The following PISD variants were observed in gnomAD, a reference collection of about 807,000 sequenced individuals.
The protein encoded by PISD is phosphatidylserine decarboxylase proenzyme, mitochondrial.
Under a neutral mutation model 43.5 loss-of-function variants are expected in PISD, and 31 were observed. The ratio of observed to expected loss-of-function variants is 0.71; its 90% CI spans 0.54 to 0.96. The LOEUF (loss-of-function observed/expected upper bound fraction) is 0.96, where lower values mean the gene tolerates loss of function less well. PISD is among the 40% of genes least tolerant of loss of function. The pLI is 0.00. For synonymous variants in PISD, 259 were observed against 228.7 expected (o/e 1.13, Z -1.20); for missense variants, 523 against 548.4 (o/e 0.95, Z 0.46).
intron 3 of PISD, among the ~76,000 whole-genome samples, chr22:31,643,243 G>C (rs1262177661): frequency 6.6e-6 from 1 of 152,160 alleles, no homozygotes; most frequent in South Asian, 2.1e-4. Context: ...TTCTGTCATA[G>C]TGTTTGCTAT....
rs751854215 is a variant in PISD, at chr22:31,619,626, G to A, written c.1216C>T (p.Leu406=). The change falls in exon 8 of 8, where the codon CTG becomes TTG. Residue 406 remains leucine, a synonymous_variant. Transcript: ENST00000439502. The part of the protein sequence containing the change: ...TGQKIRFGEA[L]GSL Reference sequence around the variant, plus strand: ...GGAAAGAGACTCTAGAGCGAGCCCAGGGCTTCCCCAAAGCGGATTTTCTGT... The same window carrying A: ...GGAAAGAGACTCTAGAGCGAGCCCAAGGCTTCCCCAAAGCGGATTTTCTGT... The A allele has an allele frequency of 1.1e-5, 17 of 1,613,698 alleles. No homozygotes were observed. The East Asian group carries it at 3.8e-4, about 36-fold the overall frequency.
chr22:31,626,448 G>A (rs1451263717), intron 3 of PISD, among the ~76,000 whole-genome samples: 1 of 152,216 alleles, frequency 6.6e-6, no homozygotes, highest in East Asian at 1.9e-4. Context: ...TGAGATGAGC[G>A]GGAAGCCACG....
intron 6 of PISD, 40 bp from the exon 7 acceptor site, chr22:31,620,753 C>G (rs2072511954): frequency 6.2e-7 from 1 of 1,609,962 alleles, no homozygotes; most frequent in African/African-American, 1.3e-5. Flanking sequence ...CGTCCAGAGC[C>G]CGGTGTGTCC....
intron 3 of PISD, chr22:31,629,736 A>T (rs2073107985): frequency 6.6e-6 from 1 of 152,122 alleles, no homozygotes; most frequent in South Asian, 2.1e-4. Flanking sequence ...TTCAAGCCTT[A>T]GCAAGGCGGA....
intron 3 of PISD, among the ~76,000 whole-genome samples, chr22:31,633,406 G>A (rs77181208): frequency 0.048 from 7,261 of 152,272 alleles, 217 homozygotes; most frequent in African/African-American, 0.075. Context: ...AGCCTCTAAG[G>A]CAGATGGGTG....
chr22:31,629,259 G>A, intron 3 of PISD: 1 of 983,278 alleles, frequency 1.0e-6, no homozygotes, highest in Non-Finnish European at 1.2e-6. Flanking sequence ...GTAGGTGGAA[G>A]TGTGTGTGCA....
intron 3 of PISD, among the ~76,000 whole-genome samples, chr22:31,637,152 AAAAAAAAAAAAAATATATATATAT>A (rs1249901161): frequency 0.029 from 876 of 30,582 alleles, 42 homozygotes; most frequent in African/African-American, 0.09. Flanking sequence ...TTAAAAAAAA[AAAAAAAAAAAAAATATATATATAT>A]ATATATATAT....
chr22:31,635,494 G>C (rs1383217448), intron 3 of PISD, among the ~76,000 whole-genome samples: 1 of 152,194 alleles, frequency 6.6e-6, no homozygotes, highest in Admixed American at 6.5e-5. Flanking sequence ...GTAGAGATGG[G>C]GTTTCACCAT....
rs766679045 is a variant in PISD at position 31,662,203 on chromosome 22, C to T, written c.6G>A (p.Ala2=). Residue 2 remains alanine, a synonymous_variant, in exon 1 of 8, where the codon GCG becomes GCA. Coordinates refer to ENST00000439502, the MANE Select transcript of PISD (RefSeq NM_001326411.2). ...CCAGACATCGGTGCCCCACGGACGT[C>T]GCCATCTTGTCTGCTCCTTCTCAGC... is the stretch of plus-strand genomic sequence containing the variant. M[A]TSVGHRCLGL... is the part of the protein sequence containing the mutation. 1 of 1,604,060 alleles carries T rather than the reference C, an allele frequency of 6.2e-7. No individual in the cohort carries two copies. The highest frequency in any genetic ancestry group is 2.2e-5 in the East Asian group (1 of 44,884).
chr22:31,657,234 T>C (rs939712309), intron 1 of PISD, among the ~76,000 whole-genome samples: 1 of 151,920 alleles, frequency 6.6e-6, no homozygotes, highest in African/African-American at 2.4e-5. Context: ...CCTCCTGGGT[T>C]CAAGCAATTC....
At chr22:31,629,153 T>A in intron 3 of PISD, 2 of 985,238 alleles carry the variant, frequency 2.0e-6, no homozygotes, top group Non-Finnish European at 2.4e-6. Context: ...AATGGAACAT[T>A]CCAACTGAAG....
At chr22:31,632,024 TAGTG>T in intron 3 of PISD, among the ~76,000 whole-genome samples, 1 of 152,222 alleles carries the variant, frequency 6.6e-6, no homozygotes, top group Non-Finnish European at 1.5e-5. Flanking sequence ...CTGGACAACA[TAGTG>T]AGACCTCTTT....
rs774799962 is a variant in PISD, at chr22:31,662,197, G to A, written c.12C>T (p.Ser4=). Residue 4 remains serine, a synonymous_variant, in exon 1 of 8, where the codon TCC becomes TCT. Coordinates refer to ENST00000439502, the MANE Select transcript of PISD (RefSeq NM_001326411.2). MAT[S]VGHRCLGLLH... ...GTAATCCCAGACATCGGTGCCCCACGGACGTCGCCATCTTGTCTGCTCCTT... is the reference window on the plus strand; with the variant it reads ...GTAATCCCAGACATCGGTGCCCCACAGACGTCGCCATCTTGTCTGCTCCTT... 3.7e-6 allele frequency: 6 copies of A among 1,604,382 alleles called. No homozygotes were observed. In the South Asian group the frequency reaches 4.4e-5, roughly 12 times the overall value.
intron 3 of PISD, among the ~76,000 whole-genome samples, chr22:31,642,047 G>A (rs1249069800): frequency 1.3e-5 from 2 of 150,954 alleles, no homozygotes; most frequent in Admixed American, 1.3e-4. Context: ...TATGTGCAAA[G>A]GTATGCTCTG....
intron 3 of PISD, among the ~76,000 whole-genome samples, chr22:31,629,526 C>T (rs1291827609): frequency 8.3e-6 from 1 of 120,566 alleles, no homozygotes; most frequent in Non-Finnish European, 1.7e-5. Context: ...TATGTAGGTG[C>T]GAGGGTGTGT....
chr22:31,658,341 C>T (rs1288893874), intron 1 of PISD, among the ~76,000 whole-genome samples: 2 of 152,320 alleles, frequency 1.3e-5, no homozygotes, highest in African/African-American at 4.8e-5. Flanking sequence ...AATCTTAAGC[C>T]TCAGTTTCTC....
chr22:31,632,492 G>A (rs12167999), intron 3 of PISD, among the ~76,000 whole-genome samples: 2,378 of 152,228 alleles, frequency 0.016, 60 homozygotes, highest in African/African-American at 0.053. Flanking sequence ...TTCCAGCCAG[G>A]GCTACTGTCT....
intron 3 of PISD, chr22:31,629,130 G>GC (rs908780960): frequency 2.1e-5 from 21 of 985,148 alleles, no homozygotes; most frequent in East Asian, 1.1e-4. Flanking sequence ...CACAACACCT[G>GC]CCCCCCCAGT....
At position 31,623,787 on chromosome 22, in the gene PISD, G is replaced by A. The variant is rs749241259; in HGVS notation, c.322-1902C>T. The A allele has an allele frequency of 1.9e-6, 3 of 1,614,134 alleles. No individual in the cohort carries two copies. In the Admixed American group the frequency reaches 5.0e-5, roughly 27 times the overall value. On this transcript the variant is annotated intron_variant, in intron 3 of 7. Transcript: ENST00000439502. ...GGGCCAGGAGCGCAGTTTCAGAGCGGGTCTGGACATGCAGCTCAGCTGCCC... is the reference window on the plus strand; with the variant it reads ...GGGCCAGGAGCGCAGTTTCAGAGCGAGTCTGGACATGCAGCTCAGCTGCCC...
Sources: gnomAD v4.1 joint callset for allele counts (sites outside exome capture counted in the v4.1 genomes callset) on GRCh38, gnomAD v4.1.1 for gene constraint, MANE v1.5 for transcripts, NCBI Gene and HGNC (gene_info 2026-07-23, HGNC 2026-07-21) for gene names.